TERB1: variants seen among roughly 807,000 people sequenced by gnomAD.
TERB1 encodes the protein telomere repeat binding bouquet formation protein 1, also known as telomere repeats-binding bouquet formation protein 1.
In TERB1, 63 loss-of-function variants were observed where a neutral mutation model predicts 92.3. That is an observed-to-expected ratio of 0.68 (90% CI 0.56 to 0.84). The LOEUF (loss-of-function observed/expected upper bound fraction) is 0.84, where lower values mean the gene tolerates loss of function less well. Among genes scored for constraint, TERB1 ranks in the 40% least tolerant of loss-of-function variants. TERB1 has a pLI of 0.00. For missense variants in TERB1, 709 were observed against 843.7 expected (o/e 0.84, Z 1.98); for synonymous variants, 252 against 283.9 (o/e 0.89, Z 1.13).
intron 7 of TERB1, 39 bp downstream of exon 7, chr16:66,786,186 T>A (rs1473234517): frequency 1.6e-5 from 25 of 1,529,430 alleles, no homozygotes; most frequent in East Asian, 7.4e-5. Flanking sequence ...AGGTCCTAAG[T>A]AATGAATAAT....
intron 18 of TERB1, among the ~76,000 whole-genome samples, chr16:66,756,234 A>T (rs545797328): frequency 6.6e-6 from 1 of 152,298 alleles, no homozygotes; most frequent in African/African-American, 2.4e-5. Flanking sequence ...GTCCTGGGTC[A>T]CCCTTAGAAA....
chr16:66,771,979 A>G (rs998251168), intron 13 of TERB1, among the ~76,000 whole-genome samples: 2 of 152,154 alleles, frequency 1.3e-5, no homozygotes, highest in East Asian at 1.9e-4. Flanking sequence ...TTGAACCCCA[A>G]TTATTCAGAT....
At chr16:66,794,289 G>A (rs933755745) in intron 3 of TERB1, among the ~76,000 whole-genome samples, 1 of 151,472 alleles carries the variant, frequency 6.6e-6, no homozygotes, top group Non-Finnish European at 1.5e-5. Context: ...TTGTATAAAC[G>A]GGATTTTGCC....
Position 66,774,870 on chromosome 16 carries a change from A to AT in TERB1, c.1111+247dup, listed in dbSNP as rs1037780689. Among the ~76,000 whole-genome samples the AT allele has an allele frequency of 2.3e-4, 35 of 151,374 alleles. 1 individual carries two copies. The highest frequency in any genetic ancestry group is 6.3e-4 in the African/African-American group (26 of 41,240). The stretch of plus-strand genomic sequence containing the variant: ...CCCAGATAATTTTTTCTATATATAT[A>AT]TTTTTTTATAGAGACAGAGTTTCTC... On this transcript the variant is annotated intron_variant, in intron 12 of 18. Transcript: ENST00000433154.
chr16:66,783,791 G>C (rs1376832745), intron 9 of TERB1, among the ~76,000 whole-genome samples: 1 of 152,224 alleles, frequency 6.6e-6, no homozygotes, highest in South Asian at 2.1e-4. Flanking sequence ...CTATTCTCAG[G>C]TATGATAATA....
At chr16:66,768,209 C>T in intron 14 of TERB1, 41 bp from the exon 15 acceptor site, 10 of 1,425,464 alleles carry the variant, frequency 7.0e-6, no homozygotes, top group African/African-American at 1.4e-5. Context: ...AGTAAACATA[C>T]TGTTTGGTGT....
Position 66,778,976 on chromosome 16 carries a change from T to C in TERB1, c.740A>G (p.Asp247Gly). 6.5e-7 allele frequency: 1 copy of C among 1,530,250 alleles called. No homozygotes were observed. Among genetic ancestry groups the C allele is most frequent in the Non-Finnish European group, 8.8e-7 (1 of 1,130,002 alleles). The allele number at this position is 1,530,250 out of a possible 1,614,324, so 94.8% of individuals were successfully genotyped here. A position where few individuals can be genotyped will look rare whatever the true frequency, so the allele number is the denominator to read the frequency against. Reference sequence around the variant, plus strand: ...CTGCATGAGAACTTGAGACAATACATCCAGTCCGCCCACAGATACGAAGTA... The same window carrying C: ...CTGCATGAGAACTTGAGACAATACACCCAGTCCGCCCACAGATACGAAGTA... ...QKYFVSVGGLDVLSQVLMQLE... is the reference protein window; with the variant it reads ...QKYFVSVGGLGVLSQVLMQLE... Residue 247 changes from aspartate (D) to glycine (G), a missense_variant, in exon 10 of 19, where the codon GAT becomes GGT. Asp to Gly is a moderately conservative substitution (Grantham distance 94). Coordinates refer to ENST00000433154, the MANE Select transcript of TERB1 (RefSeq NM_001136505.2).
rs1360425395 is a variant in TERB1, at chr16:66,772,830, T to G, written c.1112-81A>C. On this transcript the variant is annotated intron_variant, in intron 12 of 18. Coordinates refer to ENST00000433154, the MANE Select transcript of TERB1 (RefSeq NM_001136505.2). ...AAGGACAACTTCACAGCCCACCCTCTCCTTTCTCTAAATTTTTCCATCCAG... is the reference window on the plus strand; with the variant it reads ...AAGGACAACTTCACAGCCCACCCTCGCCTTTCTCTAAATTTTTCCATCCAG... The G allele has an allele frequency of 6.5e-6, 7 of 1,081,916 alleles. No individual in the cohort carries two copies. In the Admixed American group the frequency reaches 2.0e-4, roughly 31 times the overall value. 67.0% of individuals were successfully genotyped at this position (1,081,916 alleles called of 1,614,324 possible).
chr16:66,769,103 CA>C (rs371537754), intron 14 of TERB1, among the ~76,000 whole-genome samples: 16,738 of 129,994 alleles, frequency 0.13, 1,704 homozygotes, highest in African/African-American at 0.3. Flanking sequence ...GAAACTTTCT[CA>C]AAAAAAAAAA....
intron 14 of TERB1, 68 bp downstream of exon 14, chr16:66,769,895 G>T: frequency 9.7e-7 from 1 of 1,030,306 alleles, no homozygotes; most frequent in Non-Finnish European, 1.4e-6. Context: ...TTAACAGTGT[G>T]GCATACTGTA....
chr16:66,788,199 A>C lies in TERB1; in HGVS notation c.370T>G (p.Tyr124Asp). 6.7e-7 allele frequency: 1 copy of C among 1,501,158 alleles called. No homozygotes were observed. The highest frequency in any genetic ancestry group is 8.9e-7 in the Non-Finnish European group (1 of 1,122,460). The allele number at this position is 1,501,158 out of a possible 1,614,324, so 93.0% of individuals were successfully genotyped here. Residue 124 changes from tyrosine to aspartate, a missense_variant, in exon 6 of 19, where the codon TAT becomes GAT. By Grantham distance (160) the Tyr-to-Asp change is radical. Transcript: ENST00000433154. ...SNINLKRMSVYVILVLVSNNR... is the reference protein window; with the variant it reads ...SNINLKRMSVDVILVLVSNNR... ...TTTGAAACCAGAACCAAAATAACAT[A>C]AACAGACATTCTTTTCAAATTTATG...
intron 12 of TERB1, among the ~76,000 whole-genome samples, 192 bp downstream of exon 12, chr16:66,774,926 G>A (rs1330976739): frequency 2.0e-5 from 3 of 151,278 alleles, no homozygotes; most frequent in Non-Finnish European, 2.9e-5. Context: ...TGAACTCCTG[G>A]ACTCAAGCGA....
At chr16:66,798,877 A>G (rs1004759543) in intron 2 of TERB1, among the ~76,000 whole-genome samples, 1 of 152,234 alleles carries the variant, frequency 6.6e-6, no homozygotes, top group Non-Finnish European at 1.5e-5. Flanking sequence ...TAACCTTATG[A>G]GGGAATTATA....
chr16:66,755,900 A>G (rs2018129744), intron 18 of TERB1, among the ~76,000 whole-genome samples: 1 of 152,246 alleles, frequency 6.6e-6, no homozygotes, highest in Non-Finnish European at 1.5e-5. Context: ...TAGGTTTGAT[A>G]ATATTTTTAA....
intron 12 of TERB1, among the ~76,000 whole-genome samples, chr16:66,772,963 A>G (rs1302927191): frequency 2.6e-5 from 4 of 152,184 alleles, no homozygotes; most frequent in Admixed American, 2.6e-4. Context: ...GAGTTACAGG[A>G]GAAAAAACAT....
chr16:66,796,702 G>T, intron 3 of TERB1, 66 bp downstream of exon 3: 3 of 1,091,056 alleles, frequency 2.7e-6, no homozygotes, highest in South Asian at 2.8e-5. Flanking sequence ...GATCCTGTCA[G>T]ATAATCTACA....
chr16:66,761,109 C>CA (rs34199990), intron 16 of TERB1, among the ~76,000 whole-genome samples: 1,296 of 70,810 alleles, frequency 0.018, 37 homozygotes, highest in African/African-American at 0.063. Flanking sequence ...GACTCCACCT[C>CA]AAAAAAAAAA....
intron 16 of TERB1, among the ~76,000 whole-genome samples, chr16:66,764,473 G>T (rs1430637344): frequency 6.6e-6 from 1 of 152,182 alleles, no homozygotes; most frequent in Non-Finnish European, 1.5e-5. Context: ...TGAAAGCCAG[G>T]CAGAGAGGTT....
chr16:66,793,034 C>T (rs1393856890), intron 3 of TERB1, among the ~76,000 whole-genome samples: 1 of 150,416 alleles, frequency 6.6e-6, no homozygotes, highest in Non-Finnish European at 1.5e-5. Context: ...TTATTTTGCA[C>T]TCCAACCTGG....
Sources: gnomAD v4.1 joint callset for allele counts (sites outside exome capture counted in the v4.1 genomes callset) on GRCh38, gnomAD v4.1.1 for gene constraint, MANE v1.5 for transcripts, NCBI Gene and HGNC (gene_info 2026-07-23, HGNC 2026-07-21) for gene names.